The following TMEM67 variants were observed in gnomAD, a reference collection of about 807,000 sequenced individuals.
TMEM67 encodes the protein meckelin.
Under a neutral mutation model 136.6 loss-of-function variants are expected in TMEM67, and 124 were observed. The ratio of observed to expected loss-of-function variants is 0.91; its 90% CI spans 0.78 to 1.05. TMEM67 has a LOEUF of 1.05. TMEM67 is among the 50% of genes least tolerant of loss of function. The pLI is 0.00. For synonymous variants in TMEM67, 364 were observed against 390.5 expected (o/e 0.93, Z 0.80); for missense variants, 1,107 against 1,178.4 (o/e 0.94, Z 0.89).
intron 7 of TMEM67, 39 bp downstream of exon 7, chr8:93,772,690 GAAGAATTATACCATTT>G: frequency 6.8e-7 from 1 of 1,473,114 alleles, no homozygotes; most frequent in Non-Finnish European, 9.5e-7. Flanking sequence ...ATTTTATTTT[GAAGAATTATACCATTT>G]ATTTACCCAG....
intron 7 of TMEM67, among the ~76,000 whole-genome samples, chr8:93,777,466 T>C (rs918079824): frequency 8.5e-5 from 13 of 152,222 alleles, no homozygotes; most frequent in Admixed American, 8.5e-4. Context: ...TTTAGATCTT[T>C]CCTGCTTTCT....
At chr8:93,766,034 TAATAAA>T (rs1813067923) in intron 6 of TMEM67, among the ~76,000 whole-genome samples, 2 of 152,314 alleles carry the variant, frequency 1.3e-5, no homozygotes, top group South Asian at 4.1e-4. Flanking sequence ...AAGTTGGACA[TAATAAA>T]AATACCTTTA....
At chr8:93,830,501 C>T in the TMEM67 span, among the ~76,000 whole-genome samples, 29 of 152,248 alleles carry the variant, frequency 1.9e-4, no homozygotes, top group East Asian at 3.9e-3. Flanking sequence ...GGACTGAGCC[C>T]TCAACCCGTG....
chr8:93,818,714 A>G (rs983184544), downstream of TMEM67, among the ~76,000 whole-genome samples: 7 of 152,314 alleles, frequency 4.6e-5, no homozygotes, highest in South Asian at 4.1e-4. Context: ...GTCATTTGCC[A>G]TCATTGAGCT....
the TMEM67 span, among the ~76,000 whole-genome samples, chr8:93,826,808 T>G: frequency 1.3e-5 from 2 of 152,230 alleles, no homozygotes; most frequent in Non-Finnish European, 2.9e-5. Context: ...AAATTTAGTT[T>G]TATATATTTT....
rs181267316 is a variant in TMEM67, at chr8:93,815,246, A to G, written c.2765-59A>G. The G allele has an allele frequency of 6.8e-4, 845 of 1,250,142 alleles. 6 individuals carry two copies. In the African/African-American group the frequency reaches 9.2e-3, roughly 14 times the overall value. 77.4% of individuals were successfully genotyped at this position (1,250,142 alleles called of 1,614,324 possible). On this transcript the variant is annotated intron_variant, in intron 26 of 27. Transcript: ENST00000453321. ...ATCCAGATTTTGTCACCAGAAGTTT[A>G]TCACAGACTTGTTCCTTTTTTAAAT...
chr8:93,818,569 G>A (rs766696063), downstream of TMEM67, among the ~76,000 whole-genome samples: 17 of 152,144 alleles, frequency 1.1e-4, no homozygotes, highest in Non-Finnish European at 1.5e-4. Flanking sequence ...AATATAAGCT[G>A]AGGGGAAATA....
Position 93,765,477 on chromosome 8 carries a change from T to C in TMEM67, c.576+2T>C. The C allele has an allele frequency of 6.2e-7, 1 of 1,611,576 alleles. No individual in the cohort carries two copies. Among genetic ancestry groups the C allele is most frequent in the Non-Finnish European group, 8.5e-7 (1 of 1,179,024 alleles). ...GCATGTTCAGAACCTAACATTTTAG[T>C]AAGGCTAACCAAATTGATAAAGTAT... On this transcript the variant is annotated splice_donor_variant, in intron 5 of 27. Coordinates refer to ENST00000453321, the MANE Select transcript of TMEM67 (RefSeq NM_153704.6). LOFTEE classifies it high-confidence loss of function.
intron 7 of TMEM67, among the ~76,000 whole-genome samples, chr8:93,775,801 T>C (rs911143320): frequency 6.6e-6 from 1 of 152,212 alleles, no homozygotes; most frequent in African/African-American, 2.4e-5. Flanking sequence ...CCTCCAGCTT[T>C]GTTCTTTTTG....
At chr8:93,822,035 A>G (rs1278431945), downstream of TMEM67, among the ~76,000 whole-genome samples, 2 of 152,242 alleles carry the variant, frequency 1.3e-5, no homozygotes, top group Non-Finnish European at 2.9e-5. Context: ...AACACTGTAC[A>G]TCAGAAGACC....
intron 2 of TMEM67, chr8:93,757,090 TATAAATAAATAAATAAATAAATAA>T (rs57425175): frequency 3.4e-5 from 5 of 146,468 alleles, no homozygotes; most frequent in African/African-American, 1.3e-4. Flanking sequence ...ATAAATAAAA[TATAAATAAATAAATAAATAAATAA>T]ATAAATAAAT....
At chr8:93,799,483 A>G (rs529255871) in intron 20 of TMEM67, 135 bp from the exon 21 acceptor site, 2 of 640,580 alleles carry the variant, frequency 3.1e-6, no homozygotes, top group Non-Finnish European at 5.3e-6. Context: ...ATTTTTATCT[A>G]GATTTTCTAC....
Position 93,796,088 on chromosome 8 carries a change from A to C in TMEM67, c.1860+101A>C. 4.8e-6 allele frequency: 4 copies of C among 841,362 alleles called. No homozygotes were observed. The South Asian group carries it at 5.8e-5, about 12-fold the overall frequency. 52.1% of individuals were successfully genotyped at this position (841,362 alleles called of 1,614,324 possible). A position where few individuals can be genotyped will look rare whatever the true frequency, so the allele number is the denominator to read the frequency against. ...TTCAAAAATCTTTGGCGTGAAATTC[A>C]CTTTGGTTTTGAAAGAAAGCATTAA... On this transcript the variant is annotated intron_variant, in intron 18 of 27. Coordinates refer to ENST00000453321, the MANE Select transcript of TMEM67 (RefSeq NM_153704.6).
rs1351590740 is a variant in TMEM67, at chr8:93,797,195, G to A, written c.1922G>A (p.Trp641Ter). 5.0e-6 allele frequency: 8 copies of A among 1,613,304 alleles called. No homozygotes were observed. Among genetic ancestry groups the A allele is most frequent in the South Asian group, 2.2e-5 (2 of 91,060 alleles). The change falls in exon 19 of 28, where the codon TGG becomes TAG. Residue 641 changes from tryptophan to a stop codon, truncating the protein, a stop_gained. Transcript: ENST00000453321. LOFTEE classifies it high-confidence loss of function. ...ACAATAGATGTATTCTTTATTGATT[G>A]GGAGCGACCTAAAGGAAAGGTTCTT... ...QITIDVFFID[W>*]ERPKGKVLKA... is the part of the protein sequence containing the mutation.
chr8:93,802,702 CTT>C (rs1814919595), intron 21 of TMEM67, among the ~76,000 whole-genome samples: 1 of 152,180 alleles, frequency 6.6e-6, no homozygotes, highest in African/African-American at 2.4e-5. Flanking sequence ...TAAGTGGTGT[CTT>C]TTAATTTTTA....
intron 7 of TMEM67, 103 bp from the exon 8 acceptor site, chr8:93,780,490 C>T (rs1037927843): frequency 1.2e-5 from 16 of 1,281,864 alleles, no homozygotes; most frequent in Admixed American, 3.4e-5. Context: ...TGTTCCTACT[C>T]GGCCATCTTG....
rs1182315941 is a variant in TMEM67, at chr8:93,785,204, T to C, written c.1132-18T>C. 1 of 1,491,150 alleles carries C rather than the reference T, an allele frequency of 6.7e-7. No homozygotes were observed. The highest frequency in any genetic ancestry group is 2.3e-5 in the East Asian group (1 of 44,136). 92.4% of individuals were successfully genotyped at this position (1,491,150 alleles called of 1,614,324 possible). A position where few individuals can be genotyped will look rare whatever the true frequency, so the allele number is the denominator to read the frequency against. On this transcript the variant is annotated intron_variant, in intron 11 of 27. Transcript: ENST00000453321. ...AGTTGCTGTTTTATGTGCTTTTATT[T>C]TTAATTTTACTTTTCAGTGTGAGAT...
At chr8:93,787,816 T>C (rs779191451) in intron 13 of TMEM67, 28 bp from the exon 14 acceptor site, 4 of 1,515,954 alleles carry the variant, frequency 2.6e-6, no homozygotes, top group Non-Finnish European at 3.7e-6. Flanking sequence ...ATATACTGAT[T>C]ACTATAAATG....
chr8:93,784,428 A>T (rs1402161423), intron 11 of TMEM67, among the ~76,000 whole-genome samples: 3 of 152,248 alleles, frequency 2.0e-5, no homozygotes, highest in Non-Finnish European at 4.4e-5. Flanking sequence ...TGTGGAGCCA[A>T]TGTTCTATCA....
Sources: gnomAD v4.1 joint callset for allele counts (sites outside exome capture counted in the v4.1 genomes callset) on GRCh38, gnomAD v4.1.1 for gene constraint, MANE v1.5 for transcripts, NCBI Gene and HGNC (gene_info 2026-07-23, HGNC 2026-07-21) for gene names.